CNTNAP5: variants seen among roughly 807,000 people sequenced by gnomAD.
CNTNAP5 encodes the protein contactin associated protein family member 5.
A neutral mutation model predicts 150.2 loss-of-function variants in CNTNAP5; 72 were observed. The ratio of observed to expected loss-of-function variants is 0.48; its 90% confidence interval spans 0.40 to 0.58. The LOEUF (loss-of-function observed/expected upper bound fraction) is 0.58, where lower values mean the gene tolerates loss of function less well. Among genes scored for constraint, CNTNAP5 ranks in the 20% least tolerant of loss-of-function variants. The pLI, the probability that CNTNAP5 is intolerant of heterozygous loss-of-function variation, is 0.00. For synonymous variants in CNTNAP5, 672 were observed against 619.8 expected (o/e 1.08, Z -1.25); for missense variants, 1,636 against 1,626.2 (o/e 1.01, Z -0.10).
At chr2:124,079,285 TG>T (rs1166727388) in intron 1 of CNTNAP5, among the ~76,000 whole-genome samples, 1 of 152,220 alleles carries the variant, frequency 6.6e-6, no homozygotes, top group Non-Finnish European at 1.5e-5. Flanking sequence ...TCTGGTTTTC[TG>T]GCTCCAACCC....
chr2:124,308,595 T>C (rs1688746950), intron 3 of CNTNAP5, among the ~76,000 whole-genome samples: 1 of 152,192 alleles, frequency 6.6e-6, no homozygotes, highest in Admixed American at 6.5e-5. Flanking sequence ...AAGCACATAA[T>C]CAGTTTGTTT....
chr2:124,553,311 C>A (rs2104919588), intron 10 of CNTNAP5, among the ~76,000 whole-genome samples: 1 of 152,254 alleles, frequency 6.6e-6, no homozygotes, highest in African/African-American at 2.4e-5. Flanking sequence ...CAAGACCAGC[C>A]TGGCCAACAT....
intron 19 of CNTNAP5, among the ~76,000 whole-genome samples, chr2:124,816,684 G>T (rs1682370948): frequency 2.0e-5 from 3 of 151,740 alleles, no homozygotes; most frequent in Admixed American, 6.6e-5. Flanking sequence ...CACCATGTTG[G>T]TCAGGCTGGT....
intron 13 of CNTNAP5, among the ~76,000 whole-genome samples, chr2:124,666,187 C>T (rs1678696234): frequency 6.6e-6 from 1 of 152,074 alleles, no homozygotes; most frequent in Non-Finnish European, 1.5e-5. Context: ...CATATCAATC[C>T]ATGGAAAGTA....
At chr2:124,088,544 C>G (rs1682747145) in intron 1 of CNTNAP5, among the ~76,000 whole-genome samples, 1 of 149,800 alleles carries the variant, frequency 6.7e-6, no homozygotes, top group South Asian at 2.1e-4. Context: ...GTTATGAGAT[C>G]ACTAAATTTA....
chr2:124,289,117 G>A (rs1688223122), intron 3 of CNTNAP5, among the ~76,000 whole-genome samples: 1 of 152,142 alleles, frequency 6.6e-6, no homozygotes, highest in Admixed American at 6.5e-5. Context: ...CATCAAAACA[G>A]CACTCAGTAT....
At chr2:124,190,712 T>A (rs1430921287) in intron 1 of CNTNAP5, among the ~76,000 whole-genome samples, 4 of 152,224 alleles carry the variant, frequency 2.6e-5, no homozygotes, top group East Asian at 3.8e-4. Flanking sequence ...GAGATGTCTA[T>A]GTCATTGATA....
chr2:124,275,822 A>G (rs888560106), intron 3 of CNTNAP5, among the ~76,000 whole-genome samples: 3 of 152,062 alleles, frequency 2.0e-5, no homozygotes, highest in Admixed American at 2.0e-4. Context: ...ACTTCCACAA[A>G]CTACATGATC....
chr2:124,270,305 T>A (rs571566995), intron 3 of CNTNAP5, among the ~76,000 whole-genome samples: 1 of 150,160 alleles, frequency 6.7e-6, no homozygotes, highest in Non-Finnish European at 1.5e-5. Flanking sequence ...CAAGACTCCA[T>A]CTCAAAAAAA....
chr2:124,895,742 A>G (rs1678290841), intron 21 of CNTNAP5, among the ~76,000 whole-genome samples: 1 of 151,674 alleles, frequency 6.6e-6, no homozygotes, highest in African/African-American at 2.4e-5. Flanking sequence ...ATGGACACAC[A>G]TGCAATTATG....
intron 10 of CNTNAP5, among the ~76,000 whole-genome samples, chr2:124,530,925 G>A (rs1037177728): frequency 3.9e-5 from 6 of 152,008 alleles, no homozygotes; most frequent in South Asian, 2.1e-4. Context: ...CTAAGCCAGC[G>A]GTCCCCAACC....
chr2:124,447,161 T>A (rs1692842042), intron 6 of CNTNAP5, among the ~76,000 whole-genome samples: 2 of 149,822 alleles, frequency 1.3e-5, no homozygotes, highest in African/African-American at 4.9e-5. Context: ...AGCAGCTCTG[T>A]GCATTTTAAA....
intron 10 of CNTNAP5, among the ~76,000 whole-genome samples, chr2:124,537,017 G>A (rs193155422): frequency 9.0e-4 from 137 of 152,000 alleles, no homozygotes; most frequent in African/African-American, 3.1e-3. Flanking sequence ...GTGTGACAAT[G>A]TGTGGTGTGT....
At chr2:124,506,624 A>C (rs1694412969) in intron 8 of CNTNAP5, among the ~76,000 whole-genome samples, 1 of 152,176 alleles carries the variant, frequency 6.6e-6, no homozygotes. Flanking sequence ...AAGTATTAAT[A>C]TGTTTTCTCC....
intron 19 of CNTNAP5, among the ~76,000 whole-genome samples, chr2:124,855,251 C>T (rs1017076785): frequency 7.2e-6 from 1 of 138,688 alleles, no homozygotes; most frequent in African/African-American, 2.6e-5. Context: ...AATCTTGGCT[C>T]ACTGCAACCT....
Position 124,914,298 on chromosome 2 carries a change from G to A in CNTNAP5, c.*10G>A. On this transcript the variant is annotated 3_prime_UTR_variant, in exon 24 of 24. Transcript: ENST00000682447. ...GGAATATTTCATCTGAGAAACTGCA[G>A]GGTTCCTACTACTCTTTTTTCTTGT... The A allele has an allele frequency of 6.3e-7, 1 of 1,594,910 alleles. No individual in the cohort carries two copies. The highest frequency in any genetic ancestry group is 1.1e-5 in the South Asian group (1 of 90,204).
chr2:124,047,380 G>GT (rs1681565530), intron 1 of CNTNAP5, among the ~76,000 whole-genome samples: 1 of 152,230 alleles, frequency 6.6e-6, no homozygotes, highest in East Asian at 1.9e-4. Flanking sequence ...GACAGGTGAA[G>GT]TATCTTACCC....
intron 14 of CNTNAP5, among the ~76,000 whole-genome samples, chr2:124,759,435 G>A (rs1174803237): frequency 7.0e-6 from 1 of 143,332 alleles, no homozygotes; most frequent in Non-Finnish European, 1.5e-5. Context: ...TATATATAAT[G>A]GCACCACTAA....
At chr2:124,749,041 A>T (rs945908879) in intron 14 of CNTNAP5, among the ~76,000 whole-genome samples, 1 of 152,168 alleles carries the variant, frequency 6.6e-6, no homozygotes, top group Non-Finnish European at 1.5e-5. Context: ...CCTACAGAAG[A>T]CATTCAGTGG....
Sources: allele counts gnomAD v4.1 joint callset (sites outside exome capture counted in the v4.1 genomes callset), GRCh38; gene constraint gnomAD v4.1.1; transcripts MANE v1.5; gene names NCBI Gene and HGNC (gene_info 2026-07-23, HGNC 2026-07-21).